Variants in ADAMTS12 observed in about 807,000 individuals in gnomAD.
ADAMTS12 encodes the protein A disintegrin and metalloproteinase with thrombospondin motifs 12.
A neutral mutation model predicts 167.8 loss-of-function variants in ADAMTS12; 118 were observed. That is an observed-to-expected ratio of 0.70 (90% CI 0.61 to 0.82). The LOEUF (loss-of-function observed/expected upper bound fraction) is 0.82. ADAMTS12 is among the 40% of genes least tolerant of loss of function. The pLI, the probability that ADAMTS12 is intolerant of heterozygous loss-of-function variation, is 0.00. For synonymous variants in ADAMTS12, 704 were observed against 716.9 expected (o/e 0.98, Z 0.29); for missense variants, 1,916 against 1,998.8 (o/e 0.96, Z 0.79).
intron 2 of ADAMTS12, among the ~76,000 whole-genome samples, chr5:33,801,308 T>C (rs943287533): frequency 5.3e-5 from 8 of 152,192 alleles, no homozygotes; most frequent in African/African-American, 1.4e-4. Flanking sequence ...AAATCAGCCA[T>C]GGTGGGAGTA....
intron 22 of ADAMTS12, among the ~76,000 whole-genome samples, chr5:33,535,383 CCAAT>C (rs1744343591): frequency 6.6e-6 from 1 of 152,142 alleles, no homozygotes; most frequent in South Asian, 2.1e-4. Context: ...TCAAGCTGGG[CCAAT>C]CAGTCACTTC....
At chr5:33,638,171 C>T (rs1305000318) in intron 11 of ADAMTS12, among the ~76,000 whole-genome samples, 1 of 97,900 alleles carries the variant, frequency 1.0e-5, no homozygotes, top group African/African-American at 2.9e-5. Context: ...TACTCTTCAA[C>T]TCTGCAATAA....
At chr5:33,620,744 T>C (rs1561173343) in intron 14 of ADAMTS12, among the ~76,000 whole-genome samples, 1 of 152,226 alleles carries the variant, frequency 6.6e-6, no homozygotes, top group Non-Finnish European at 1.5e-5. Flanking sequence ...ATATATTTTA[T>C]GCACTCATGG....
chr5:33,529,284 G>C (rs1743979221), intron 23 of ADAMTS12, among the ~76,000 whole-genome samples: 1 of 152,184 alleles, frequency 6.6e-6, no homozygotes, highest in African/African-American at 2.4e-5. Flanking sequence ...CCATACATGA[G>C]TCAGGGAACG....
chr5:33,592,900 G>A (rs1381964176), intron 17 of ADAMTS12, among the ~76,000 whole-genome samples: 2 of 152,272 alleles, frequency 1.3e-5, no homozygotes, highest in Middle Eastern at 3.4e-3. Flanking sequence ...AGAAGATATT[G>A]CAGCTTGAAA....
intron 16 of ADAMTS12, among the ~76,000 whole-genome samples, chr5:33,602,862 G>A (rs1160065381): frequency 6.6e-6 from 1 of 152,170 alleles, no homozygotes; most frequent in African/African-American, 2.4e-5. Context: ...TTATAATTCA[G>A]TTTAGAACAG....
intron 20 of ADAMTS12, among the ~76,000 whole-genome samples, chr5:33,550,489 C>T (rs562022877): frequency 4.6e-5 from 7 of 152,138 alleles, no homozygotes; most frequent in African/African-American, 7.2e-5. Flanking sequence ...CATCTGTGCT[C>T]GTCAGCCCAG....
At chr5:33,633,106 A>G (rs1740025764) in intron 12 of ADAMTS12, among the ~76,000 whole-genome samples, 1 of 151,258 alleles carries the variant, frequency 6.6e-6, no homozygotes, top group African/African-American at 2.4e-5. Context: ...GGAGGAATAC[A>G]TTAAATGCAG....
chr5:33,810,857 C>T (rs946362289), intron 2 of ADAMTS12, among the ~76,000 whole-genome samples: 4 of 152,230 alleles, frequency 2.6e-5, no homozygotes, highest in Non-Finnish European at 4.4e-5. Context: ...CTGTCACATT[C>T]ATGTCCATAC....
intron 2 of ADAMTS12, among the ~76,000 whole-genome samples, chr5:33,835,899 T>TAA: frequency 3.5e-5 from 5 of 144,084 alleles, no homozygotes; most frequent in African/African-American, 1.4e-4. Flanking sequence ...AAACTGAGGA[T>TAA]AATATCCATC....
At chr5:33,565,248 C>T (rs144011546) in intron 19 of ADAMTS12, among the ~76,000 whole-genome samples, 7 of 152,308 alleles carry the variant, frequency 4.6e-5, no homozygotes, top group East Asian at 1.9e-4. Flanking sequence ...CTCTGCCTCC[C>T]GGATTCAAGT....
At chr5:33,566,542 A>G (rs1376050791) in intron 19 of ADAMTS12, among the ~76,000 whole-genome samples, 1 of 152,034 alleles carries the variant, frequency 6.6e-6, no homozygotes, top group Non-Finnish European at 1.5e-5. Flanking sequence ...ATTATTTACA[A>G]ACCCTGATTT....
intron 2 of ADAMTS12, among the ~76,000 whole-genome samples, chr5:33,766,204 GCACTACTTCAACCACGTGAT>G (rs1275784634): frequency 6.6e-6 from 1 of 152,138 alleles, no homozygotes; most frequent in African/African-American, 2.4e-5. Context: ...AACATGGCAG[GCACTACTTCAACCACGTGAT>G]CAAGGTTAGC....
intron 5 of ADAMTS12, among the ~76,000 whole-genome samples, chr5:33,672,054 CACTCACATACAT>C (rs1741719515): frequency 6.8e-6 from 1 of 146,460 alleles, no homozygotes; most frequent in Non-Finnish European, 1.5e-5. Context: ...CTCACATACA[CACTCACATACAT>C]ACAAACCCAC....
intron 9 of ADAMTS12, among the ~76,000 whole-genome samples, chr5:33,647,405 AC>A (rs1740710498): frequency 6.6e-6 from 1 of 152,148 alleles, no homozygotes; most frequent in South Asian, 2.1e-4. Flanking sequence ...CATTCAGGGA[AC>A]TGCTATAGTC....
intron 5 of ADAMTS12, among the ~76,000 whole-genome samples, chr5:33,666,418 T>C (rs1481085360): frequency 6.6e-6 from 1 of 152,248 alleles, no homozygotes; most frequent in Non-Finnish European, 1.5e-5. Context: ...TTATCATAGA[T>C]AAGGAACAAA....
intron 3 of ADAMTS12, among the ~76,000 whole-genome samples, chr5:33,709,761 T>C (rs1363314957): frequency 6.6e-6 from 1 of 152,058 alleles, no homozygotes; most frequent in Non-Finnish European, 1.5e-5. Flanking sequence ...CATGCTGCGC[T>C]TAATACCTAG....
At chr5:33,715,262 A>G (rs1317227581) in intron 3 of ADAMTS12, among the ~76,000 whole-genome samples, 1 of 152,040 alleles carries the variant, frequency 6.6e-6, no homozygotes, top group African/African-American at 2.4e-5. Flanking sequence ...ATGTGGAACT[A>G]ATGTTTACAA....
chr5:33,655,598 G>A (rs1163760710), intron 7 of ADAMTS12, among the ~76,000 whole-genome samples: 6 of 77,464 alleles, frequency 7.7e-5, no homozygotes, highest in African/African-American at 3.8e-5. Context: ...TCCTTGTCTC[G>A]GGGTTGACTT....
Sources: gnomAD v4.1 joint callset for allele counts (sites outside exome capture counted in the v4.1 genomes callset) on GRCh38, gnomAD v4.1.1 for gene constraint, MANE v1.5 for transcripts, NCBI Gene and HGNC (gene_info 2026-07-23, HGNC 2026-07-21) for gene names.